TMEM44: variants seen among roughly 807,000 people sequenced by gnomAD.
The protein encoded by TMEM44 is transmembrane protein 44.
A neutral mutation model predicts 47.8 loss-of-function variants in TMEM44; 43 were observed. That is an observed-to-expected ratio of 0.90 (90% CI 0.70 to 1.16). TMEM44 has a LOEUF of 1.16. Ranked by LOEUF, TMEM44 falls within the 50% of genes most tolerant of loss-of-function variation. The probability of loss-of-function intolerance (pLI) is 0.00; values close to 1 mark genes in which losing one functional copy is unlikely to be tolerated. For missense variants in TMEM44, 568 were observed against 555.2 expected (o/e 1.02, Z -0.23); for synonymous variants, 277 against 238.8 (o/e 1.16, Z -1.48).
chr3:194,588,463 C>T lies in TMEM44; in HGVS notation c.*66G>A. The T allele has an allele frequency of 7.0e-7, 1 of 1,429,776 alleles. No individual in the cohort carries two copies. The highest frequency in any genetic ancestry group is 9.8e-7 in the Non-Finnish European group (1 of 1,020,150). The allele number at this position is 1,429,776 out of a possible 1,614,324, so 88.6% of individuals were successfully genotyped here. A position where few individuals can be genotyped will look rare whatever the true frequency, so the allele number is the denominator to read the frequency against. On this transcript the variant is annotated 3_prime_UTR_variant, in exon 10 of 10. Transcript: ENST00000347147. ...GCCGCGGTGTCAGTGCAGATTGATTCCCGCTGCGTTACTGAACGAACTCCT... is the reference window on the plus strand; with the variant it reads ...GCCGCGGTGTCAGTGCAGATTGATTTCCGCTGCGTTACTGAACGAACTCCT...
chr3:194,599,576 TTTTTC>T (rs200085990), intron 9 of TMEM44, among the ~76,000 whole-genome samples: 2 of 133,262 alleles, frequency 1.5e-5, no homozygotes, highest in Non-Finnish European at 3.1e-5. Context: ...TTTCATTTTC[TTTTTC>T]TTTTCTTTTT....
At chr3:194,590,305 T>A (rs570631380) in intron 9 of TMEM44, 2 of 152,378 alleles carry the variant, frequency 1.3e-5, no homozygotes, top group Admixed American at 1.3e-4. Flanking sequence ...AAAGCCATCA[T>A]GTTAAAAAGA....
rs186679075 is a variant in TMEM44, at chr3:194,589,032, C to T, written c.1177-393G>A. 13 of 229,264 alleles carry T rather than the reference C, an allele frequency of 5.7e-5. No individual in the cohort carries two copies. The East Asian group carries it at 7.7e-4, about 14-fold the overall frequency. The allele number at this position is 229,264 out of a possible 1,614,324, so 14.2% of individuals were successfully genotyped here. On this transcript the variant is annotated intron_variant, in intron 9 of 9. Transcript: ENST00000347147. ...TTTATTTTTTTAAGACAGGGTCTTG[C>T]GGTGTCACCCAGGCTAGAGTACAGT... is the stretch of plus-strand genomic sequence containing the variant.
chr3:194,633,311 C>T lies in TMEM44; in HGVS notation c.-96G>A, dbSNP rs2108609337. 1 of 510,100 alleles carries T rather than the reference C, an allele frequency of 2.0e-6. No homozygotes were observed. Among genetic ancestry groups the T allele is most frequent in the South Asian group, 8.2e-5 (1 of 12,264 alleles). The allele number at this position is 510,100 out of a possible 1,614,324, so 31.6% of individuals were successfully genotyped here. On this transcript the variant is annotated 5_prime_UTR_variant, in exon 1 of 10. Transcript: ENST00000347147. ...GCGCCGCCGCCCCGCGTGCCCTTCT[C>T]TGGGTTCCGTTCCGCCGCGGCGCCT...
rs188791125 is a variant in TMEM44 at position 194,617,919 on chromosome 3, C to G, written c.613-650G>C. The G allele has an allele frequency of 1.0e-3, 596 of 581,568 alleles. 7 individuals are homozygous for G. Among genetic ancestry groups the G allele is most frequent in the African/African-American group, 0.01 (536 of 53,178 alleles). The allele number at this position is 581,568 out of a possible 1,614,324, so 36.0% of individuals were successfully genotyped here. ...GTGTGTGTGGCACCTTCCCTTCCAC[C>G]CTCTTGCACTCTCTCTCTCTCTGCC... is the stretch of plus-strand genomic sequence containing the variant. On this transcript the variant is annotated intron_variant, in intron 5 of 9. Transcript: ENST00000347147.
At chr3:194,620,902 C>T (rs1716458538) in intron 5 of TMEM44, among the ~76,000 whole-genome samples, 1 of 152,008 alleles carries the variant, frequency 6.6e-6, no homozygotes, top group Non-Finnish European at 1.5e-5. Context: ...TGGCGTGTGC[C>T]TGTAATCCCA....
At chr3:194,619,131 C>T (rs1358806303) in intron 5 of TMEM44, among the ~76,000 whole-genome samples, 1 of 152,242 alleles carries the variant, frequency 6.6e-6, no homozygotes, top group African/African-American at 2.4e-5. Flanking sequence ...GCCTCTTGGC[C>T]TTGCTCTTGC....
chr3:194,600,304 G>A (rs962152599), intron 9 of TMEM44, among the ~76,000 whole-genome samples: 1 of 151,644 alleles, frequency 6.6e-6, no homozygotes, highest in Non-Finnish European at 1.5e-5. Flanking sequence ...TGTATTTTTA[G>A]TAGAGACAGG....
chr3:194,591,724 G>A (rs1001003020), intron 9 of TMEM44, among the ~76,000 whole-genome samples: 3 of 151,334 alleles, frequency 2.0e-5, no homozygotes, highest in African/African-American at 7.3e-5. Context: ...TCCTGCCTTA[G>A]TATCCTGAGT....
At chr3:194,625,746 C>T in intron 3 of TMEM44, 151 bp downstream of exon 3, 2 of 635,956 alleles carry the variant, frequency 3.1e-6, no homozygotes, top group Non-Finnish European at 5.8e-6. Flanking sequence ...TCCCAAAGTG[C>T]TGGGATTCCA....
intron 9 of TMEM44, among the ~76,000 whole-genome samples, chr3:194,599,273 T>C (rs1353465081): frequency 6.6e-6 from 1 of 152,082 alleles, no homozygotes; most frequent in Non-Finnish European, 1.5e-5. Context: ...CTGGGGCCAG[T>C]CTATTGGTCC....
chr3:194,623,720 A>G (rs1452106566), intron 3 of TMEM44, 25 bp from the exon 4 acceptor site: 4 of 1,613,436 alleles, frequency 2.5e-6, no homozygotes, highest in Non-Finnish European at 3.4e-6. Context: ...AAAATCCCAC[A>G]TGGCTCCTGG....
intron 9 of TMEM44, among the ~76,000 whole-genome samples, chr3:194,599,599 T>C (rs1271956423): frequency 2.0e-5 from 3 of 150,872 alleles, no homozygotes; most frequent in Non-Finnish European, 4.4e-5. Context: ...TTTTTTTTTT[T>C]TTTGAGACAG....
At chr3:194,617,297 G>C in intron 5 of TMEM44, 28 bp from the exon 6 acceptor site, 1 of 1,466,776 alleles carries the variant, frequency 6.8e-7, no homozygotes, top group South Asian at 1.3e-5. Context: ...GGGGCTGGGC[G>C]GGAGAAGCAG....
At position 194,617,968 on chromosome 3, in the gene TMEM44, T is replaced by C. The variant is rs1374921038; in HGVS notation, c.613-699A>G. The stretch of plus-strand genomic sequence containing the variant: ...CCTGCTCACACTTTGCCTTCCGCCA[T>C]GAGTAAAAGGTCCCTGAGGCCTCCC... On this transcript the variant is annotated intron_variant, in intron 5 of 9. Coordinates refer to ENST00000347147, the MANE Select transcript of TMEM44 (RefSeq NM_001011655.3). Among the ~76,000 whole-genome samples, 6 of 152,288 alleles carry C rather than the reference T, an allele frequency of 3.9e-5. No individual in the cohort carries two copies. The East Asian group carries it at 5.8e-4, about 15-fold the overall frequency.
chr3:194,616,448 G>A, intron 6 of TMEM44: 1 of 398,202 alleles, frequency 2.5e-6, no homozygotes, highest in Non-Finnish European at 5.1e-6. Flanking sequence ...AACAGCTGGG[G>A]TCCCTATAAG....
At chr3:194,593,168 G>A in intron 9 of TMEM44, 2 of 1,331,362 alleles carry the variant, frequency 1.5e-6, no homozygotes, top group Non-Finnish European at 1.1e-6. Context: ...TGTCTGCTCA[G>A]TGAGCCAGGA....
At chr3:194,591,146 A>G (rs1332634746) in intron 9 of TMEM44, among the ~76,000 whole-genome samples, 1 of 151,840 alleles carries the variant, frequency 6.6e-6, no homozygotes, top group Non-Finnish European at 1.5e-5. Context: ...GTGAGCTGAG[A>G]CTGTGTGATT....
rs144639564 is a variant in TMEM44, at chr3:194,611,437, C to T, written c.913-417G>A. Among the ~76,000 whole-genome samples, 60 of 152,100 alleles carry T rather than the reference C, an allele frequency of 3.9e-4. No individual in the cohort carries two copies. In the East Asian group the frequency reaches 9.1e-3, roughly 23 times the overall value. On this transcript the variant is annotated intron_variant, in intron 7 of 9. Transcript: ENST00000347147. The surrounding 1 kb of genome is among the most constrained non-coding windows in gnomAD (Gnocchi z 4.2). ...CTTTTTAAGATCCCCAGCTGAGCAGCGATCTGGAGTGAAGCTGTGATCCAG... is the reference window on the plus strand; with the variant it reads ...CTTTTTAAGATCCCCAGCTGAGCAGTGATCTGGAGTGAAGCTGTGATCCAG...
Sources: gnomAD v4.1 joint callset for allele counts (sites outside exome capture counted in the v4.1 genomes callset) on GRCh38, gnomAD v4.1.1 for gene constraint, Gnocchi (gnomAD v3.1) non-coding constraint, MANE v1.5 for transcripts, NCBI Gene and HGNC (gene_info 2026-07-23, HGNC 2026-07-21) for gene names.